Variants in NUP205 observed in about 807,000 individuals in gnomAD.
NUP205 encodes the protein nucleoporin 205, also known as nuclear pore complex protein Nup205.
In NUP205, 76 loss-of-function variants were observed where a neutral mutation model predicts 253.8. The observed-to-expected ratio is 0.30, with a 90% CI of 0.25 to 0.36. The LOEUF (loss-of-function observed/expected upper bound fraction) is 0.36, where lower values mean the gene tolerates loss of function less well. Ranked by LOEUF, NUP205 falls within the 10% of genes least tolerant of loss-of-function variation. The probability of loss-of-function intolerance (pLI) is 1.00; values close to 1 mark genes in which losing one functional copy is unlikely to be tolerated. For synonymous variants in NUP205, 832 were observed against 850.1 expected (o/e 0.98, Z 0.37); for missense variants, 2,162 against 2,425.5 (o/e 0.89, Z 2.28).
chr7:135,607,908 T>C (rs1794122457), intron 22 of NUP205, among the ~76,000 whole-genome samples: 2 of 151,994 alleles, frequency 1.3e-5, no homozygotes, highest in Admixed American at 1.3e-4. Context: ...GATCAGATGA[T>C]CCTCCACCTC....
chr7:135,591,318 G>A, intron 10 of NUP205, 132 bp from the exon 11 acceptor site: 1 of 672,440 alleles, frequency 1.5e-6, no homozygotes, highest in Non-Finnish European at 2.5e-6. Context: ...TAGAATATCA[G>A]TTAAATTTGT....
chr7:135,646,212 G>T lies in NUP205; in HGVS notation c.5867G>T (p.Ser1956Ile). 1 of 1,612,530 alleles carries T rather than the reference G, an allele frequency of 6.2e-7. No homozygotes were observed. Among genetic ancestry groups the T allele is most frequent in the Non-Finnish European group, 8.5e-7 (1 of 1,178,612 alleles). ...TTTAGAAGTGGGCTGGCTATAGTGA[G>T]CCAACATGATTTAGACCAGGTAAGG... ...LDFRSGLAIV[S>I]QHDLDQLQAD... The change falls in exon 42 of 43, where the codon AGC (serine) becomes ATC (isoleucine). Residue 1956 changes from serine to isoleucine, a missense_variant. By Grantham distance (142) the Ser-to-Ile change is moderately radical. Coordinates refer to ENST00000285968, the MANE Select transcript of NUP205 (RefSeq NM_015135.3).
intron 30 of NUP205, among the ~76,000 whole-genome samples, chr7:135,622,563 T>A (rs1052774090): frequency 1.3e-5 from 2 of 152,150 alleles, no homozygotes; most frequent in African/African-American, 4.8e-5. Flanking sequence ...CTTAGTGTTA[T>A]GAAACATGCA....
rs1459572103 is a variant in NUP205 at position 135,606,841 on chromosome 7, C to T, written c.2996C>T (p.Pro999Leu). The change falls in exon 21 of 43, where the codon CCA becomes CTA. Residue 999 changes from proline to leucine, a missense_variant. Pro to Leu is a moderately conservative substitution (Grantham distance 98, BLOSUM62 -3). Transcript: ENST00000285968. Reference sequence around the variant, plus strand: ...CTCATTACCTCTCTGGAATGCAATCCACCCAATCTTGCTCTCTACCTGTTG... The same window carrying T: ...CTCATTACCTCTCTGGAATGCAATCTACCCAATCTTGCTCTCTACCTGTTG... The part of the protein sequence containing the change: ...NLLITSLECN[P>L]PNLALYLLGF... 6.2e-7 allele frequency: 1 copy of T among 1,613,654 alleles called. No homozygotes were observed. The highest frequency in any genetic ancestry group is 2.2e-5 in the East Asian group (1 of 44,854).
chr7:135,577,766 T>G (rs1465708759), intron 5 of NUP205, 30 bp from the exon 6 acceptor site: 1 of 1,520,166 alleles, frequency 6.6e-7, no homozygotes, highest in African/African-American at 1.4e-5. Flanking sequence ...TGTAATTTAT[T>G]TATACTGATA....
At chr7:135,603,471 T>G (rs1397862558) in intron 18 of NUP205, among the ~76,000 whole-genome samples, 1 of 152,034 alleles carries the variant, frequency 6.6e-6, no homozygotes, top group Non-Finnish European at 1.5e-5. Flanking sequence ...ACTTTACAAT[T>G]TCTTCTCTTC....
At chr7:135,569,651 C>T (rs1214579485) in intron 1 of NUP205, among the ~76,000 whole-genome samples, 2 of 151,742 alleles carry the variant, frequency 1.3e-5, no homozygotes, top group East Asian at 3.9e-4. Context: ...GTTGTTAAGA[C>T]ATAATCATAC....
At chr7:135,609,890 A>G (rs538366741) in intron 22 of NUP205, among the ~76,000 whole-genome samples, 5 of 152,296 alleles carry the variant, frequency 3.3e-5, no homozygotes, top group Admixed American at 6.5e-5. Context: ...TTGATATATA[A>G]GTAGAAACAA....
intron 8 of NUP205, among the ~76,000 whole-genome samples, chr7:135,585,516 G>A (rs1404645006): frequency 6.6e-6 from 1 of 151,868 alleles, no homozygotes; most frequent in Non-Finnish European, 1.5e-5. Flanking sequence ...TTTGGAAGAG[G>A]CACAGTGGAA....
intron 18 of NUP205, 69 bp downstream of exon 18, chr7:135,603,063 G>A: frequency 8.3e-7 from 1 of 1,209,834 alleles, no homozygotes; most frequent in Non-Finnish European, 1.2e-6. Flanking sequence ...TTTCAAATCT[G>A]GTTAGGTATC....
intron 31 of NUP205, among the ~76,000 whole-genome samples, chr7:135,624,418 C>T (rs539385060): frequency 2.6e-4 from 40 of 152,018 alleles, no homozygotes; most frequent in African/African-American, 9.7e-4. Flanking sequence ...GCTTTGTCAC[C>T]CAGGCTGGAG....
intron 1 of NUP205, among the ~76,000 whole-genome samples, chr7:135,558,618 G>C (rs1407623019): frequency 6.6e-6 from 1 of 152,172 alleles, no homozygotes; most frequent in African/African-American, 2.4e-5. Context: ...ATCCTCTTTC[G>C]GTGATTCTCA....
chr7:135,587,729 C>T, intron 9 of NUP205, 38 bp downstream of exon 9: 3 of 1,527,290 alleles, frequency 2.0e-6, no homozygotes, highest in Non-Finnish European at 2.7e-6. Context: ...CTCTTTCCCT[C>T]CTTTCATTAT....
intron 30 of NUP205, 51 bp downstream of exon 30, chr7:135,619,939 T>G (rs769405575): frequency 8.4e-7 from 1 of 1,186,564 alleles, no homozygotes; most frequent in Non-Finnish European, 1.2e-6. Flanking sequence ...ATGGTTACTT[T>G]AAATTGAAAA....
chr7:135,648,621 T>C lies in NUP205; in HGVS notation c.*65T>C. On this transcript the variant is annotated 3_prime_UTR_variant, in exon 43 of 43. Coordinates refer to ENST00000285968, the MANE Select transcript of NUP205 (RefSeq NM_015135.3). ...GGGAGAATTGTCTCCATTTTATAGA[T>C]TAGTTTCTTTCTAAATTATGACCAA... 7.9e-7 allele frequency: 1 copy of C among 1,264,398 alleles called. No individual in the cohort carries two copies. The highest frequency in any genetic ancestry group is 2.4e-5 in the South Asian group (1 of 41,948). The allele number at this position is 1,264,398 out of a possible 1,614,324, so 78.3% of individuals were successfully genotyped here.
chr7:135,646,700 G>C (rs1213170696), intron 42 of NUP205, among the ~76,000 whole-genome samples: 2 of 152,232 alleles, frequency 1.3e-5, no homozygotes, highest in African/African-American at 4.8e-5. Context: ...CAGACACCTG[G>C]TTTGAACTCT....
intron 22 of NUP205, among the ~76,000 whole-genome samples, chr7:135,611,287 T>G (rs1286981180): frequency 6.6e-6 from 1 of 152,100 alleles, no homozygotes; most frequent in Non-Finnish European, 1.5e-5. Context: ...TGGGATTACA[T>G]GCGTGAGTCA....
chr7:135,572,406 G>T (rs775194682), intron 2 of NUP205, among the ~76,000 whole-genome samples: 4 of 152,026 alleles, frequency 2.6e-5, no homozygotes, highest in Non-Finnish European at 5.9e-5. Context: ...TTTTATAGTA[G>T]TTTATAGTAT....
At chr7:135,588,053 T>C in intron 10 of NUP205, 61 bp downstream of exon 10, 1 of 1,412,188 alleles carries the variant, frequency 7.1e-7, no homozygotes, top group Admixed American at 2.3e-5. Context: ...CTTGAAAACA[T>C]GAAAGATATT....
Sources: allele counts gnomAD v4.1 joint callset (sites outside exome capture counted in the v4.1 genomes callset), GRCh38; gene constraint gnomAD v4.1.1; transcripts MANE v1.5; gene names NCBI Gene and HGNC (gene_info 2026-07-23, HGNC 2026-07-21).